C1orf210: variants seen among roughly 807,000 people sequenced by gnomAD.
C1orf210 encodes the protein chromosome 1 open reading frame 210.
In C1orf210, 3 loss-of-function variants were observed where a neutral mutation model predicts 3.7. That is an observed-to-expected ratio of 0.81 (90% CI 0.37 to 2.08). The LOEUF (loss-of-function observed/expected upper bound fraction) is 2.08. Ranked by LOEUF, C1orf210 falls within the 30% of genes most tolerant of loss-of-function variation. The pLI is 0.06. For synonymous variants in C1orf210, 62 were observed against 61.7 expected, an observed-to-expected ratio of 1.00 and a Z score of -0.02; for missense variants, 143 against 147.7, an observed-to-expected ratio of 0.97 and a Z score of 0.17.
In C1orf210 at chr1:43,282,773, A is replaced by G. The variant is rs1305323624; in HGVS notation, c.*12T>C. On this transcript the variant is annotated 3_prime_UTR_variant, in exon 3 of 3. Transcript: ENST00000523677. ...GGCATGGAGGGAGTGGGGAGGGTCT[A>G]AAGATGGGAGCTCAGAGGGAGAAGT... is the stretch of plus-strand genomic sequence containing the variant. 6.4e-7 allele frequency: 1 copy of G among 1,573,716 alleles called. No homozygotes were observed. The highest frequency in any genetic ancestry group is 1.7e-5 in the Admixed American group (1 of 58,268).
chr1:43,284,670 C>T (rs1198807864), intron 1 of C1orf210, among the ~76,000 whole-genome samples: 2 of 152,128 alleles, frequency 1.3e-5, no homozygotes, highest in Non-Finnish European at 2.9e-5. Flanking sequence ...CCTTCAAAAG[C>T]TCCCCATGCC....
chr1:43,285,006 G>T (rs776351969), intron 1 of C1orf210, among the ~76,000 whole-genome samples: 1 of 152,196 alleles, frequency 6.6e-6, no homozygotes, highest in Non-Finnish European at 1.5e-5. Context: ...GTACCCTGGC[G>T]CTGCAGGGAG....
rs778390108 is a variant in C1orf210, at chr1:43,282,989, G to A, written c.138C>T (p.Leu46=). The A allele has an allele frequency of 6.2e-7, 1 of 1,614,144 alleles. No individual in the cohort carries two copies. Among genetic ancestry groups the A allele is most frequent in the Non-Finnish European group, 8.5e-7 (1 of 1,179,988 alleles). Residue 46 remains leucine (L), a synonymous_variant, in exon 3 of 3, where the codon CTC becomes CTT. Transcript: ENST00000523677. ...GGCATTTGGCAGCAAGTGCAATGAGGAGCGAGAGGACCACAGCCCCCAGCA... is the reference window on the plus strand; with the variant it reads ...GGCATTTGGCAGCAAGTGCAATGAGAAGCGAGAGGACCACAGCCCCCAGCA... ...GFVLGAVVLS[L]LIALAAKCHL...
At position 43,282,767 on chromosome 1, in the gene C1orf210, G is replaced by A. The variant is rs377094399; in HGVS notation, c.*18C>T. ...CTGTCAGGCATGGAGGGAGTGGGGA[G>A]GGTCTAAAGATGGGAGCTCAGAGGG... is the stretch of plus-strand genomic sequence containing the variant. On this transcript the variant is annotated 3_prime_UTR_variant, in exon 3 of 3. Transcript: ENST00000523677. 8.1e-5 allele frequency: 127 copies of A among 1,560,076 alleles called. 1 individual carries two copies. The highest frequency in any genetic ancestry group is 5.1e-5 in the Non-Finnish European group (59 of 1,146,236).
In C1orf210 at chr1:43,282,826, C is replaced by A; in HGVS notation, c.301G>T (p.Glu101Ter). ...EDNYIQPGTG[E>*]LGTEGSRDHF... ...TCCCTGCTACCCTCTGTCCCCAGCT[C>A]GCCAGTCCCAGGCTGAATGTAATTG... Residue 101 changes from glutamate to a stop codon, truncating the protein, a stop_gained, in exon 3 of 3, where the codon GAG becomes TAG. Coordinates refer to ENST00000523677, the MANE Select transcript of C1orf210 (RefSeq NM_182517.3). LOFTEE classifies it high-confidence loss of function. The A allele has an allele frequency of 1.2e-6, 2 of 1,611,990 alleles. No individual in the cohort carries two copies. Among genetic ancestry groups the A allele is most frequent in the South Asian group, 2.2e-5 (2 of 90,754 alleles).
At chr1:43,284,364 G>T (rs1160486262) in intron 1 of C1orf210, among the ~76,000 whole-genome samples, 1 of 152,104 alleles carries the variant, frequency 6.6e-6, no homozygotes, top group Admixed American at 6.5e-5. Flanking sequence ...GGCTAGGGAA[G>T]TACTTAGGAG....
At chr1:43,284,207 T>A (rs963961348) in intron 1 of C1orf210, among the ~76,000 whole-genome samples, 1 of 150,854 alleles carries the variant, frequency 6.6e-6, no homozygotes, top group Non-Finnish European at 1.5e-5. Flanking sequence ...ATCAAAGGAG[T>A]GTCTGGAGGA....
intron 1 of C1orf210, 32 bp downstream of exon 1, chr1:43,285,412 C>CAA (rs1291042226): frequency 6.6e-6 from 1 of 152,478 alleles, no homozygotes; most frequent in Admixed American, 6.5e-5. Context: ...CCTCCACCAA[C>CAA]AAACACCCCT....
chr1:43,282,507 A>G lies in C1orf210; in HGVS notation c.*278T>C. On this transcript the variant is annotated 3_prime_UTR_variant, in exon 3 of 3. Transcript: ENST00000523677. Reference sequence around the variant, plus strand: ...TAGGGGAAGGCAAGAAAAGAAACCAAGAGGCCGAGAGGCATGATCACAGAG... The same window carrying G: ...TAGGGGAAGGCAAGAAAAGAAACCAGGAGGCCGAGAGGCATGATCACAGAG... 2.6e-6 allele frequency: 1 copy of G among 388,500 alleles called. No individual in the cohort carries two copies. The highest frequency in any genetic ancestry group is 4.6e-6 in the Non-Finnish European group (1 of 217,882). The allele number at this position is 388,500 out of a possible 1,614,324, so 24.1% of individuals were successfully genotyped here. A position where few individuals can be genotyped will look rare whatever the true frequency, so the allele number is the denominator to read the frequency against.
Position 43,282,894 on chromosome 1 carries a change from G to GGGC in C1orf210, c.230_232dup (p.Arg77dup). 1 of 1,614,072 alleles carries GGGC rather than the reference G, an allele frequency of 6.2e-7. No individual in the cohort carries two copies. ...ATCATCCTCATCTTCAGCCACCTGT[G>GGGC]GGCGGCCTCCCCTTCCTGTCTCAGG... is the stretch of plus-strand genomic sequence containing the variant. On this transcript the variant is annotated inframe_insertion, in exon 3 of 3. Transcript: ENST00000523677.
At chr1:43,284,851 G>A (rs548467777) in intron 1 of C1orf210, among the ~76,000 whole-genome samples, 2 of 152,278 alleles carry the variant, frequency 1.3e-5, no homozygotes, top group South Asian at 4.1e-4. Flanking sequence ...GTCTGTCAAG[G>A]CCAAATCAGA....
upstream of C1orf210, among the ~76,000 whole-genome samples, chr1:43,285,787 C>G (rs1389687391): frequency 6.6e-6 from 1 of 152,162 alleles, no homozygotes; most frequent in African/African-American, 2.4e-5. Flanking sequence ...ACCCTCACCC[C>G]CCAATGCTTG....
intron 2 of C1orf210, 22 bp downstream of exon 2, chr1:43,283,202 GCATCTAAGGGGAAGCCCCCCACCCCCAT>G (rs745647430): frequency 6.2e-7 from 1 of 1,601,934 alleles, no homozygotes; most frequent in African/African-American, 1.3e-5. Context: ...CCCAACCCCA[GCATCTAAGGGGAAGCCCCCCACCCCCAT>G]CATCCTCCCA....
chr1:43,282,854 C>G lies in C1orf210; in HGVS notation c.273G>C (p.Glu91Asp). The change falls in exon 3 of 3, where the codon GAG becomes GAC. Residue 91 changes from glutamate (E) to aspartate (D), a missense_variant. Coordinates refer to ENST00000523677, the MANE Select transcript of C1orf210 (RefSeq NM_182517.3). ...CAGTCCCAGGCTGAATGTAATTGTC[C>G]TCGATGAAGCCATCATCATCCTCAT... ...AEDEDDDGFI[E>D]DNYIQPGTGE... 6.2e-7 allele frequency: 1 copy of G among 1,614,098 alleles called. No homozygotes were observed. Among genetic ancestry groups the G allele is most frequent in the Non-Finnish European group, 8.5e-7 (1 of 1,179,976 alleles).
In C1orf210 at chr1:43,282,437, T is replaced by G; in HGVS notation, c.*348A>C. On this transcript the variant is annotated 3_prime_UTR_variant, in exon 3 of 3. Transcript: ENST00000523677. The stretch of plus-strand genomic sequence containing the variant: ...AGCAAAGGTGCCTGGGGAAACTGCA[T>G]GGGAAGTGGTGGGAGGGAGAATAAC... The G allele has an allele frequency of 1.4e-5, 3 of 220,476 alleles. No homozygotes were observed. Among genetic ancestry groups the G allele is most frequent in the East Asian group, 1.1e-4 (1 of 9,166 alleles). The allele number at this position is 220,476 out of a possible 1,614,324, so 13.7% of individuals were successfully genotyped here.
At chr1:43,284,418 C>T (rs1405984222) in intron 1 of C1orf210, among the ~76,000 whole-genome samples, 1 of 151,972 alleles carries the variant, frequency 6.6e-6, no homozygotes, top group East Asian at 1.9e-4. Context: ...GATACAAGTG[C>T]CTTCAAACCC....
Position 43,283,101 on chromosome 1 carries a change from AC to A in C1orf210, c.25del (p.Val9LeufsTer27). The A allele has an allele frequency of 1.9e-6, 3 of 1,612,634 alleles. No individual in the cohort carries two copies. The highest frequency in any genetic ancestry group is 2.5e-6 in the Non-Finnish European group (3 of 1,179,122). Reference protein sequence around the residue: MNETNKTLVGPSELPTASA... With the variant: MNETNKTLXGPSELPTASA... ...CGCTGTGGGGAGCTCCGAAGGCCCAACAAGTGCTGCAGAGAAAGGGACAGCA... is the reference window on the plus strand; with the variant it reads ...CGCTGTGGGGAGCTCCGAAGGCCCAAAAGTGCTGCAGAGAAAGGGACAGCA... On this transcript the variant is annotated frameshift_variant, in exon 3 of 3. Transcript: ENST00000523677. LOFTEE classifies it high-confidence loss of function.
In C1orf210 at chr1:43,283,074, G is replaced by C. The variant is rs754187425; in HGVS notation, c.53C>G (p.Ser18Cys). Reference protein sequence around the residue: ...LVGPSELPTASAVAPGPGTGA... With the variant: ...LVGPSELPTACAVAPGPGTGA... ...AGTGCCTGGGCCAGGGGCCACAGCAGACGCTGTGGGGAGCTCCGAAGGCCC... is the reference window on the plus strand; with the variant it reads ...AGTGCCTGGGCCAGGGGCCACAGCACACGCTGTGGGGAGCTCCGAAGGCCC... Residue 18 changes from serine to cysteine, a missense_variant, in exon 3 of 3, where the codon TCT becomes TGT. By Grantham distance (112) the Ser-to-Cys change is moderately radical. Coordinates refer to ENST00000523677, the MANE Select transcript of C1orf210 (RefSeq NM_182517.3). The C allele has an allele frequency of 6.2e-7, 1 of 1,613,952 alleles. No individual in the cohort carries two copies. Among genetic ancestry groups the C allele is most frequent in the Admixed American group, 1.7e-5 (1 of 60,022 alleles).
In C1orf210 at chr1:43,283,007, C is replaced by A. The variant is rs546097741; in HGVS notation, c.120G>T (p.Gly40=). The change falls in exon 3 of 3, where the codon GGG becomes GGT. Residue 40 remains glycine, a synonymous_variant. Coordinates refer to ENST00000523677, the MANE Select transcript of C1orf210 (RefSeq NM_182517.3). Reference sequence around the variant, plus strand: ...CAATGAGGAGCGAGAGGACCACAGCCCCCAGCACAAATCCTACCAGCACAG... The same window carrying A: ...CAATGAGGAGCGAGAGGACCACAGCACCCAGCACAAATCCTACCAGCACAG... ...AWPVLVGFVL[G]AVVLSLLIAL... is the part of the protein sequence containing the mutation. The A allele has an allele frequency of 3.7e-6, 6 of 1,614,092 alleles. No individual in the cohort carries two copies. The African/African-American group carries it at 8.0e-5, about 22-fold the overall frequency.
Sources: gnomAD v4.1 joint callset for allele counts (sites outside exome capture counted in the v4.1 genomes callset) on GRCh38, gnomAD v4.1.1 for gene constraint, MANE v1.5 for transcripts, NCBI Gene and HGNC (gene_info 2026-07-23, HGNC 2026-07-21) for gene names.